The following CST8 variants were observed in gnomAD, a reference collection of about 807,000 sequenced individuals.
CST8 encodes cystatin 8.
CST8 carries 20 observed loss-of-function variants against 11.8 expected under a neutral mutation model. That is an observed-to-expected ratio of 1.70 (90% CI 1.20 to 2.47). CST8 has a LOEUF of 2.47. Among genes scored for constraint, CST8 ranks in the 30% most tolerant of loss-of-function variants. The probability of loss-of-function intolerance (pLI) is 0.00; values close to 1 mark genes in which losing one functional copy is unlikely to be tolerated. For synonymous variants in CST8, 77 were observed against 63.1 expected (o/e 1.22, Z -1.05); for missense variants, 196 against 167.2 (o/e 1.17, Z -0.95).
At chr20:23,501,814 T>C in the CST8 span, among the ~76,000 whole-genome samples, 74 of 152,322 alleles carry the variant, frequency 4.9e-4, no homozygotes, top group African/African-American at 1.7e-3. Flanking sequence ...CTGGAGCAAT[T>C]ATTGTTCCTT....
At chr20:23,502,910 A>G in the CST8 span, among the ~76,000 whole-genome samples, 170 of 152,294 alleles carry the variant, frequency 1.1e-3, 1 homozygote, top group African/African-American at 3.9e-3. Flanking sequence ...GCTTTTTCTC[A>G]TGATGGAGAA....
chr20:23,505,863 GAGA>G, the CST8 span, among the ~76,000 whole-genome samples: 1 of 152,178 alleles, frequency 6.6e-6, no homozygotes, highest in Non-Finnish European at 1.5e-5. Flanking sequence ...ATTAAAGCTT[GAGA>G]AGAACTGCCC....
chr20:23,505,098 T>C, the CST8 span, among the ~76,000 whole-genome samples: 2 of 151,356 alleles, frequency 1.3e-5, no homozygotes, highest in East Asian at 1.9e-4. Context: ...AACGCACCCC[T>C]AGATAAATAG....
In CST8 at chr20:23,491,894, T is replaced by C. The variant is rs112589589; in HGVS notation, c.227T>C (p.Leu76Pro). The C allele has an allele frequency of 3.7e-5, 59 of 1,613,198 alleles. No homozygotes were observed. The African/African-American group carries it at 5.9e-4, about 16-fold the overall frequency. Reference protein sequence around the residue: ...FLVVKTLQAQLQVTNLLEYLI... With the variant: ...FLVVKTLQAQPQVTNLLEYLI... ...GTGGTCAAGACACTGCAAGCCCAGC[T>C]TCAGGTAAAGGTGTCTTTCCATATA... The change falls in exon 2 of 4, where the codon CTT becomes CCT. Residue 76 changes from leucine to proline, a missense_variant. Coordinates refer to ENST00000246012, the MANE Select transcript of CST8 (RefSeq NM_005492.4).
At chr20:23,495,693 G>A (rs907152167) in intron 3 of CST8, 138 bp from the exon 4 acceptor site, 3 of 655,392 alleles carry the variant, frequency 4.6e-6, no homozygotes, top group Non-Finnish European at 8.0e-6. Context: ...GCAGATTCCT[G>A]GGAGCTCGCT....
At chr20:23,506,555 A>C in the CST8 span, among the ~76,000 whole-genome samples, 1 of 152,234 alleles carries the variant, frequency 6.6e-6, no homozygotes, top group African/African-American at 2.4e-5. Context: ...TATTCTTCAG[A>C]AATCCCTGAT....
chr20:23,493,145 C>A (rs1689670605), intron 3 of CST8, 74 bp downstream of exon 3: 9 of 950,088 alleles, frequency 9.5e-6, no homozygotes, highest in East Asian at 2.4e-5. Flanking sequence ...GGCACGCAGA[C>A]CTTCTCTTTG....
chr20:23,493,879 C>T (rs966534414), intron 3 of CST8, among the ~76,000 whole-genome samples: 2 of 152,142 alleles, frequency 1.3e-5, no homozygotes, highest in Admixed American at 6.5e-5. Flanking sequence ...CGGGTTCCAC[C>T]GGCAGAGTTT....
intron 3 of CST8, among the ~76,000 whole-genome samples, chr20:23,495,185 C>T (rs1988005882): frequency 6.6e-6 from 1 of 152,126 alleles, no homozygotes; most frequent in Middle Eastern, 3.4e-3. Context: ...TGTACATGTA[C>T]CACATTGTTT....
rs747197475 is a variant in CST8 at position 23,495,840 on chromosome 20, T to G, written c.355T>G (p.Cys119Gly). ...ENSKLKRKLS[C>G]SFLVGALPWN... ...TTGTCATCTTTTTCAGAAATTAAGC[T>G]GCAGCTTTTTGGTAGGAGCACTTCC... The change falls in exon 4 of 4, where the codon TGC becomes GGC. Residue 119 changes from cysteine (C) to glycine (G), a missense_variant. Cys to Gly is a radical substitution (Grantham distance 159). Coordinates refer to ENST00000246012, the MANE Select transcript of CST8 (RefSeq NM_005492.4). 6.2e-7 allele frequency: 1 copy of G among 1,605,578 alleles called. No homozygotes were observed. The highest frequency in any genetic ancestry group is 8.5e-7 in the Non-Finnish European group (1 of 1,177,076).
At position 23,491,331 on chromosome 20, in the gene CST8, A is replaced by G; in HGVS notation, c.-155A>G. 3.1e-6 allele frequency: 1 copy of G among 318,016 alleles called. No homozygotes were observed. 19.7% of individuals were successfully genotyped at this position (318,016 alleles called of 1,614,324 possible). On this transcript the variant is annotated 5_prime_UTR_variant, in exon 1 of 4. Transcript: ENST00000246012. ...GACTGAGAAGCAGATAACAAGAGTGACGCTCACAGGGGTAGGCATAGACAC... is the reference window on the plus strand; with the variant it reads ...GACTGAGAAGCAGATAACAAGAGTGGCGCTCACAGGGGTAGGCATAGACAC...
the CST8 span, among the ~76,000 whole-genome samples, chr20:23,504,221 G>T: frequency 6.6e-6 from 1 of 152,120 alleles, no homozygotes; most frequent in Non-Finnish European, 1.5e-5. Flanking sequence ...TAGACTAATG[G>T]ATGCCAAGTA....
At chr20:23,503,327 C>T in the CST8 span, among the ~76,000 whole-genome samples, 2 of 152,092 alleles carry the variant, frequency 1.3e-5, no homozygotes, top group African/African-American at 4.8e-5. Context: ...TCACAGGATG[C>T]TCATAAAAGC....
intron 2 of CST8, 43 bp downstream of exon 2, chr20:23,491,941 G>A (rs1987899874): frequency 4.7e-6 from 7 of 1,495,326 alleles, no homozygotes; most frequent in Non-Finnish European, 6.5e-6. Context: ...GCATATGGTG[G>A]CACAGTTGAA....
In CST8 at chr20:23,491,830, G is replaced by C. The variant is rs200779140; in HGVS notation, c.163G>C (p.Glu55Gln). Residue 55 changes from glutamate (E) to glutamine (Q), a missense_variant, in exon 2 of 4, where the codon GAA becomes CAA. Physicochemically the swap from Glu to Gln is conservative, Grantham distance 29. Transcript: ENST00000246012. ...VKQCLWFAMQ[E>Q]YNKESEDKYV... ...GCAGTGTCTGTGGTTTGCCATGCAA[G>C]AATACAACAAAGAGAGCGAGGACAA... 1.9e-5 allele frequency: 30 copies of C among 1,614,196 alleles called. No homozygotes were observed. The African/African-American group carries it at 3.6e-4, about 19-fold the overall frequency.
downstream of CST8, among the ~76,000 whole-genome samples, chr20:23,500,319 G>C (rs927635410): frequency 1.1e-4 from 16 of 151,982 alleles, no homozygotes; most frequent in African/African-American, 3.6e-4. Flanking sequence ...GGACCACAGG[G>C]ACAGCAGCAG....
Position 23,491,596 on chromosome 20 carries a change from C to T in CST8, c.-72C>T. The T allele has an allele frequency of 8.4e-7, 1 of 1,190,668 alleles. No individual in the cohort carries two copies. The highest frequency in any genetic ancestry group is 1.2e-6 in the Non-Finnish European group (1 of 808,250). The allele number at this position is 1,190,668 out of a possible 1,614,324, so 73.8% of individuals were successfully genotyped here. A position where few individuals can be genotyped will look rare whatever the true frequency, so the allele number is the denominator to read the frequency against. Reference sequence around the variant, plus strand: ...AACCCACAGCAGCAGCTGCGGCCACCCCATCCTGCCCACAGCTCCAGCCCT... The same window carrying T: ...AACCCACAGCAGCAGCTGCGGCCACTCCATCCTGCCCACAGCTCCAGCCCT... On this transcript the variant is annotated 5_prime_UTR_variant, in exon 2 of 4. Transcript: ENST00000246012.
downstream of CST8, among the ~76,000 whole-genome samples, chr20:23,500,664 G>A (rs147626086): frequency 5.7e-3 from 871 of 152,100 alleles, 11 homozygotes; most frequent in African/African-American, 0.02. Context: ...CAAAACCTGG[G>A]GGCGGACGGT....
At chr20:23,501,875 C>T in the CST8 span, among the ~76,000 whole-genome samples, 2 of 152,362 alleles carry the variant, frequency 1.3e-5, no homozygotes, top group East Asian at 3.9e-4. Flanking sequence ...AACACACCTG[C>T]ATCCTCAAAT....
Sources: gnomAD v4.1 joint callset for allele counts (sites outside exome capture counted in the v4.1 genomes callset) on GRCh38, gnomAD v4.1.1 for gene constraint, MANE v1.5 for transcripts, NCBI Gene and HGNC (gene_info 2026-07-23, HGNC 2026-07-21) for gene names.